Variants in AGBL4 observed in about 807,000 individuals in gnomAD.
The protein encoded by AGBL4 is AGBL carboxypeptidase 4, also known as cytosolic carboxypeptidase 6.
AGBL4 carries 58 observed loss-of-function variants against 66.4 expected under a neutral mutation model. The ratio of observed to expected loss-of-function variants is 0.87; its 90% CI spans 0.71 to 1.09. The LOEUF (loss-of-function observed/expected upper bound fraction) is 1.09, where lower values mean the gene tolerates loss of function less well. Ranked by LOEUF, AGBL4 falls within the 50% of genes least tolerant of loss-of-function variation. The pLI is 0.00. For synonymous variants in AGBL4, 234 were observed against 222.9 expected (o/e 1.05, Z -0.44); for missense variants, 579 against 631.0 (o/e 0.92, Z 0.88).
intron 6 of AGBL4, chr1:48,761,504 T>G (rs1236580290): frequency 1.3e-6 from 2 of 1,538,524 alleles, no homozygotes; most frequent in Non-Finnish European, 1.8e-6. Context: ...AGGTTCATCA[T>G]GAGTTAAAAT....
chr1:49,279,614 T>A, intron 3 of AGBL4, among the ~76,000 whole-genome samples: 1 of 152,100 alleles, frequency 6.6e-6, no homozygotes, highest in East Asian at 1.9e-4. Flanking sequence ...TTAGGAAAAT[T>A]ACTTGCTGTC....
chr1:49,091,291 C>A (rs1571423070), intron 4 of AGBL4, among the ~76,000 whole-genome samples: 1 of 152,056 alleles, frequency 6.6e-6, no homozygotes, highest in Non-Finnish European at 1.5e-5. Flanking sequence ...AGCAACCAGA[C>A]AACCTATAGA....
At chr1:49,681,563 G>C (rs1444504631) in intron 3 of AGBL4, among the ~76,000 whole-genome samples, 1 of 152,116 alleles carries the variant, frequency 6.6e-6, no homozygotes, top group Non-Finnish European at 1.5e-5. Context: ...TCCCTAGATG[G>C]TCTGCCTTCT....
At chr1:49,800,384 C>CT (rs1387759864) in intron 2 of AGBL4, among the ~76,000 whole-genome samples, 3 of 138,058 alleles carry the variant, frequency 2.2e-5, no homozygotes, top group East Asian at 4.1e-4. Flanking sequence ...TTTTATTATA[C>CT]TTTAAGTTTT....
At chr1:49,966,779 C>T (rs556818173) in intron 1 of AGBL4, among the ~76,000 whole-genome samples, 2 of 152,120 alleles carry the variant, frequency 1.3e-5, no homozygotes, top group African/African-American at 2.4e-5. Context: ...TATCATAAAG[C>T]CTTTTACTGA....
intron 3 of AGBL4, among the ~76,000 whole-genome samples, chr1:49,391,804 G>A (rs1228653970): frequency 6.6e-6 from 1 of 151,936 alleles, no homozygotes; most frequent in East Asian, 1.9e-4. Context: ...CTCGTGATCT[G>A]CCCACCTTGG....
intron 3 of AGBL4, among the ~76,000 whole-genome samples, chr1:49,687,120 T>C (rs1454265066): frequency 6.6e-6 from 1 of 152,066 alleles, no homozygotes; most frequent in Non-Finnish European, 1.5e-5. Flanking sequence ...AATAGAGGGG[T>C]ATTTAAGGCA....
At chr1:48,796,626 C>G (rs1645681080) in intron 6 of AGBL4, among the ~76,000 whole-genome samples, 1 of 152,212 alleles carries the variant, frequency 6.6e-6, no homozygotes, top group African/African-American at 2.4e-5. Flanking sequence ...CTTGAGTACC[C>G]ACGTTCATCT....
At chr1:48,711,070 C>A (rs1025504513) in intron 6 of AGBL4, among the ~76,000 whole-genome samples, 1 of 152,132 alleles carries the variant, frequency 6.6e-6, no homozygotes, top group Non-Finnish European at 1.5e-5. Flanking sequence ...CCCTGATCAC[C>A]CTTGACTGGA....
chr1:48,536,644 C>G (rs925321409), intron 12 of AGBL4, among the ~76,000 whole-genome samples: 2 of 152,202 alleles, frequency 1.3e-5, no homozygotes, highest in Admixed American at 1.3e-4. Flanking sequence ...AGCCCCGTTA[C>G]ACACACATAC....
intron 2 of AGBL4, among the ~76,000 whole-genome samples, chr1:49,758,357 A>G (rs78969676): frequency 0.053 from 8,095 of 152,182 alleles, 242 homozygotes; most frequent in African/African-American, 0.071. Flanking sequence ...CAGGGTCCTC[A>G]CTGGGGGTGC....
At chr1:49,327,749 A>G (rs971119814) in intron 3 of AGBL4, among the ~76,000 whole-genome samples, 1 of 152,242 alleles carries the variant, frequency 6.6e-6, no homozygotes, top group Non-Finnish European at 1.5e-5. Context: ...ATACAGTTGC[A>G]TTAGAGATTA....
At chr1:49,105,783 A>G (rs1645281455) in intron 4 of AGBL4, among the ~76,000 whole-genome samples, 1 of 152,214 alleles carries the variant, frequency 6.6e-6, no homozygotes, top group Non-Finnish European at 1.5e-5. Flanking sequence ...CTGAGGATAA[A>G]ATGTGCAAAT....
At chr1:49,948,312 A>G (rs1284598425) in intron 1 of AGBL4, among the ~76,000 whole-genome samples, 3 of 110,718 alleles carry the variant, frequency 2.7e-5, no homozygotes, top group African/African-American at 1.1e-4. Context: ...ATATAAATAT[A>G]TATATAAATA....
chr1:50,009,064 C>A (rs1661339739), intron 1 of AGBL4, among the ~76,000 whole-genome samples: 1 of 152,110 alleles, frequency 6.6e-6, no homozygotes, highest in Non-Finnish European at 1.5e-5. Context: ...TGAATGTTAT[C>A]AAACATTTAA....
chr1:48,839,134 T>C (rs554384200), intron 6 of AGBL4, among the ~76,000 whole-genome samples: 35 of 152,186 alleles, frequency 2.3e-4, no homozygotes, highest in South Asian at 8.3e-4. Context: ...TTCAAGAAAC[T>C]ACAATTAGAA....
intron 11 of AGBL4, chr1:48,583,852 A>AT (rs1644775288): frequency 2.7e-5 from 2 of 74,466 alleles, no homozygotes; most frequent in Non-Finnish European, 6.4e-5. Context: ...ATGAAATGAG[A>AT]GTTTTTTTTT....
chr1:49,394,228 C>G (rs1013790992), intron 3 of AGBL4, among the ~76,000 whole-genome samples: 1 of 151,824 alleles, frequency 6.6e-6, no homozygotes, highest in African/African-American at 2.4e-5. Context: ...TCAACCCTTC[C>G]CCATTGATTT....
rs56869723 is a variant in AGBL4 at position 48,652,089 on chromosome 1, C to T, written c.839+1248G>A. ...CAGTGGCTCATGCCTGCAATCCTAGCTACTTGGGAGACTGAGGTGGGAGGA... is the reference window on the plus strand; with the variant it reads ...CAGTGGCTCATGCCTGCAATCCTAGTTACTTGGGAGACTGAGGTGGGAGGA... On this transcript the variant is annotated intron_variant, in intron 8 of 13. Transcript: ENST00000371839. 9.8e-3 allele frequency among the ~76,000 whole-genome samples: 1,494 copies of T among 152,210 alleles called. 27 individuals carry two copies. The highest frequency in any genetic ancestry group is 0.034 in the African/African-American group (1,408 of 41,528).
Sources: gnomAD v4.1 joint callset for allele counts (sites outside exome capture counted in the v4.1 genomes callset) on GRCh38, gnomAD v4.1.1 for gene constraint, MANE v1.5 for transcripts, NCBI Gene and HGNC (gene_info 2026-07-23, HGNC 2026-07-21) for gene names.